The following AFG3L2 variants were observed in gnomAD, a reference collection of about 807,000 sequenced individuals.
AFG3L2 encodes the protein mitochondrial inner membrane m-AAA protease component AFG3L2.
In AFG3L2, 54 loss-of-function variants were observed where a neutral mutation model predicts 94.5. The observed-to-expected ratio is 0.57, with a 90% confidence interval of 0.46 to 0.72. The LOEUF (loss-of-function observed/expected upper bound fraction) is 0.72, where lower values mean the gene tolerates loss of function less well. Ranked by LOEUF, AFG3L2 falls within the 30% of genes least tolerant of loss-of-function variation. AFG3L2 has a pLI of 0.00. For missense variants in AFG3L2, 754 were observed against 994.9 expected (o/e 0.76, Z 3.26); for synonymous variants, 377 against 365.5 (o/e 1.03, Z -0.36).
intron 7 of AFG3L2, among the ~76,000 whole-genome samples, chr18:12,359,159 C>A (rs1908583295): frequency 6.6e-6 from 1 of 152,156 alleles, no homozygotes; most frequent in Non-Finnish European, 1.5e-5. Context: ...GGAGCATCTG[C>A]CCAGACTTTA....
chr18:12,357,758 C>G (rs776545503), intron 8 of AFG3L2, among the ~76,000 whole-genome samples: 3 of 152,064 alleles, frequency 2.0e-5, no homozygotes, highest in Admixed American at 6.6e-5. Flanking sequence ...ACACCATGCC[C>G]AGCTAATTTT....
intron 1 of AFG3L2, among the ~76,000 whole-genome samples, chr18:12,373,425 G>A (rs993680503): frequency 2.6e-5 from 4 of 152,118 alleles, no homozygotes; most frequent in African/African-American, 9.7e-5. Flanking sequence ...AGAAACATAG[G>A]GAAGAAAATC....
chr18:12,376,757 C>T (rs570609577), intron 1 of AFG3L2, among the ~76,000 whole-genome samples: 3 of 152,258 alleles, frequency 2.0e-5, no homozygotes, highest in African/African-American at 7.2e-5. Flanking sequence ...TGAAGCTGCG[C>T]GTTTTCAAAA....
In AFG3L2 at chr18:12,351,195, T is replaced by C; in HGVS notation, c.1442A>G (p.Lys481Arg). The change falls in exon 12 of 17, where the codon AAA (lysine) becomes AGA (arginine). Residue 481 changes from lysine (K) to arginine (R), a missense_variant. Transcript: ENST00000269143. ...AACTTTGAAAATAGAAGCTCTTCCT[T>C]TTATGTCTGGTGGTCCTTTAGAAAT... ...RQIFIGPPDI[K>R]GRASIFKVHL... 1 of 1,614,144 alleles carries C rather than the reference T, an allele frequency of 6.2e-7. No homozygotes were observed. Among genetic ancestry groups the C allele is most frequent in the East Asian group, 2.2e-5 (1 of 44,882 alleles).
At chr18:12,365,009 C>T (rs1222395935) in intron 5 of AFG3L2, among the ~76,000 whole-genome samples, 1 of 152,152 alleles carries the variant, frequency 6.6e-6, no homozygotes, top group East Asian at 1.9e-4. Flanking sequence ...ACACCACATC[C>T]CAAGGACTGT....
chr18:12,351,549 GTTTT>G, intron 10 of AFG3L2, 136 bp from the exon 11 acceptor site: 2 of 615,114 alleles, frequency 3.3e-6, no homozygotes, highest in Non-Finnish European at 5.6e-6. Flanking sequence ...AGTGTTTTTT[GTTTT>G]TTTTTTTTTT....
chr18:12,372,260 C>T (rs1311564300), intron 1 of AFG3L2, among the ~76,000 whole-genome samples: 1 of 152,276 alleles, frequency 6.6e-6, no homozygotes, highest in Non-Finnish European at 1.5e-5. Flanking sequence ...GCCGAGATCA[C>T]GCCACTGCAC....
At chr18:12,360,145 A>G in intron 6 of AFG3L2, 94 bp from the exon 7 acceptor site, 1 of 1,164,118 alleles carries the variant, frequency 8.6e-7, no homozygotes, top group Non-Finnish European at 1.2e-6. Context: ...TTTTCCAGAA[A>G]TACTGAAAAT....
intron 3 of AFG3L2, among the ~76,000 whole-genome samples, chr18:12,369,695 G>A (rs1398282675): frequency 1.4e-5 from 2 of 146,092 alleles, no homozygotes; most frequent in Non-Finnish European, 3.0e-5. Flanking sequence ...CAGCCTGGGC[G>A]ACAGAGACCC....
chr18:12,357,774 T>G (rs1265719200), intron 8 of AFG3L2, among the ~76,000 whole-genome samples: 1 of 152,124 alleles, frequency 6.6e-6, no homozygotes, highest in Non-Finnish European at 1.5e-5. Context: ...ATTTTTTGTA[T>G]TTTTAGTAGA....
chr18:12,348,348 A>G lies in AFG3L2; in HGVS notation c.1588T>C (p.Leu530=), dbSNP rs780280002. ...DVANVCNEAA[L]IAARHLSDSI... Reference sequence around the variant, plus strand: ...TCTGACAGATGCCTTGCAGCAATCAACGCAGCTTCATTACAGACATTAGCA... The same window carrying G: ...TCTGACAGATGCCTTGCAGCAATCAGCGCAGCTTCATTACAGACATTAGCA... The change falls in exon 13 of 17, where the codon TTG becomes CTG. Residue 530 remains leucine, a synonymous_variant. Transcript: ENST00000269143. 11 of 1,614,230 alleles carry G rather than the reference A, an allele frequency of 6.8e-6. No individual in the cohort carries two copies. In the East Asian group the frequency reaches 1.3e-4, roughly 20 times the overall value.
intron 3 of AFG3L2, 134 bp from the exon 4 acceptor site, chr18:12,367,516 C>A: frequency 1.2e-6 from 1 of 826,056 alleles, no homozygotes; most frequent in Non-Finnish European, 2.0e-6. Flanking sequence ...CTAAGTGAAG[C>A]ACTATGAGAA....
rs1334842252 is a variant in AFG3L2 at position 12,367,010 on chromosome 18, T to A, written c.507A>T (p.Glu169Asp). 6.2e-7 allele frequency: 1 copy of A among 1,614,220 alleles called. No homozygotes were observed. Residue 169 changes from glutamate to aspartate, a missense_variant, in exon 5 of 17, where the codon GAA (glutamate) becomes GAT (aspartate). Transcript: ENST00000269143. The part of the protein sequence containing the change: ...FYLLLKRSGR[E>D]ITWKDFVNNY... The stretch of plus-strand genomic sequence containing the variant: ...TATTGACAAAGTCCTTCCAAGTGAT[T>A]TCTCTCCCGGATCTCTTGAGCAGCA...
intron 6 of AFG3L2, 177 bp from the exon 7 acceptor site, chr18:12,360,228 G>T (rs1229923569): frequency 3.2e-6 from 2 of 633,068 alleles, no homozygotes; most frequent in Non-Finnish European, 5.3e-6. Context: ...CACTCATTGA[G>T]AACACTTGGC....
rs1309477342 is a variant in AFG3L2, at chr18:12,353,084, T to C, written c.1239A>G (p.Gly413=). 1.2e-6 allele frequency: 2 copies of C among 1,614,008 alleles called. No individual in the cohort carries two copies. The highest frequency in any genetic ancestry group is 1.3e-5 in the African/African-American group (1 of 74,902). Residue 413 remains glycine (G), a synonymous_variant, in exon 10 of 17, where the codon GGA becomes GGG. Coordinates refer to ENST00000269143, the MANE Select transcript of AFG3L2 (RefSeq NM_006796.3). ...CAAAGTTGCCTCTTCCTCTCTTCCT[T>C]CCCACCGCATCGATTTCATCGATGA... ...ILFIDEIDAV[G]RKRGRGNFGG...
rs8097342 is a variant in AFG3L2, at chr18:12,359,921, G to A, written c.752+6C>T. 0.76 allele frequency: 1,218,234 copies of A among 1,611,922 alleles called. 465,812 individuals are homozygous for A. The highest frequency in any genetic ancestry group is 0.78 in the Non-Finnish European group (924,885 of 1,179,336). ...ACAGTCTACAAAATATTATATTTGA[G>A]ATTACCCATCACTTTCAGCAATGTA... is the stretch of plus-strand genomic sequence containing the variant. On this transcript the variant is annotated splice_donor_region_variant and intron_variant, in intron 7 of 16. Coordinates refer to ENST00000269143, the MANE Select transcript of AFG3L2 (RefSeq NM_006796.3).
At chr18:12,336,806 A>T (rs1907756274) in intron 16 of AFG3L2, among the ~76,000 whole-genome samples, 1 of 152,210 alleles carries the variant, frequency 6.6e-6, no homozygotes, top group Non-Finnish European at 1.5e-5. Flanking sequence ...CTGAGTTCAG[A>T]AAGGGTCCCT....
intron 6 of AFG3L2, among the ~76,000 whole-genome samples, chr18:12,362,361 G>A (rs1211204668): frequency 2.6e-5 from 4 of 152,172 alleles, no homozygotes; most frequent in Admixed American, 1.3e-4. Context: ...TACATTCGCT[G>A]TAAAAACTTG....
intron 5 of AFG3L2, among the ~76,000 whole-genome samples, chr18:12,366,427 C>A (rs574678113): frequency 6.6e-6 from 1 of 152,274 alleles, no homozygotes; most frequent in South Asian, 2.1e-4. Context: ...AAGGCTGCTC[C>A]GCAGACAGAG....
Sources: allele counts gnomAD v4.1 joint callset (sites outside exome capture counted in the v4.1 genomes callset), GRCh38; gene constraint gnomAD v4.1.1; transcripts MANE v1.5; gene names NCBI Gene and HGNC (gene_info 2026-07-23, HGNC 2026-07-21).